Variants in PNPLA7 observed in about 807,000 individuals in gnomAD.
PNPLA7 encodes the protein patatin-like phospholipase domain-containing protein 7.
A neutral mutation model predicts 161.7 loss-of-function variants in PNPLA7; 153 were observed. That is an observed-to-expected ratio of 0.95 (90% CI 0.83 to 1.08). PNPLA7 has a LOEUF of 1.08. PNPLA7 is among the 50% of genes least tolerant of loss of function. The pLI is 0.00. For synonymous variants in PNPLA7, 809 were observed against 782.1 expected (o/e 1.03, Z -0.57); for missense variants, 1,739 against 1,856.6 (o/e 0.94, Z 1.16).
intron 22 of PNPLA7, chr9:137,480,722 C>T (rs534054157): frequency 4.6e-4 from 331 of 718,698 alleles, no homozygotes; most frequent in Admixed American, 9.7e-4. Context: ...GAGTGAGACC[C>T]GGGGCTGCCC....
rs1836316112 is a variant in PNPLA7 at position 137,543,368 on chromosome 9, C to A, written c.506+64G>T. ...ACAAGACGGCCAAGCTGGAGCCAGG[C>A]CCCAGCGAGAAGCCCGGGGCTATGG... is the stretch of plus-strand genomic sequence containing the variant. On this transcript the variant is annotated intron_variant, in intron 6 of 34. Transcript: ENST00000406427. This position sits in a 1 kb window ranked among gnomAD's most constrained non-coding sequence, Gnocchi z 6.9. The A allele has an allele frequency of 1.2e-6, 2 of 1,603,198 alleles. No homozygotes were observed. Among genetic ancestry groups the A allele is most frequent in the South Asian group, 1.1e-5 (1 of 90,300 alleles).
intron 4 of PNPLA7, among the ~76,000 whole-genome samples, chr9:137,545,788 C>T (rs1588721255): frequency 6.6e-6 from 1 of 150,738 alleles, no homozygotes; most frequent in East Asian, 1.9e-4. Context: ...TTCTGTTATG[C>T]CCGGACAGGG....
intron 18 of PNPLA7, among the ~76,000 whole-genome samples, chr9:137,496,604 C>T (rs1038417573): frequency 1.3e-5 from 2 of 151,976 alleles, no homozygotes; most frequent in Admixed American, 1.3e-4. Flanking sequence ...CCAGCTACTC[C>T]GGAGGCTGAG....
rs1588557419 is a variant in PNPLA7 at position 137,478,114 on chromosome 9, G to GT, written c.2801dup (p.Asp934GlufsTer64). 7.4e-7 allele frequency: 1 copy of GT among 1,353,998 alleles called. No homozygotes were observed. Among genetic ancestry groups the GT allele is most frequent in the East Asian group, 3.1e-5 (1 of 32,688 alleles). 83.9% of individuals were successfully genotyped at this position (1,353,998 alleles called of 1,614,324 possible). ...CCAGGCGGGAGAAGTCTGAGTGTCG[G>GT]TCCGGGGGCCGCTGGAAGACATGCT... On this transcript the variant is annotated frameshift_variant, in exon 25 of 35. Transcript: ENST00000406427. LOFTEE classifies it high-confidence loss of function.
rs781143660 is a variant in PNPLA7, at chr9:137,462,786, C to T, written c.3391G>A (p.Val1131Met). ...AGGTCCGTCTCATCTCGGCTGCCCA[C>T]GTCAATGGCGATCACCACTTTTGCC... ...MGAKVVIAIDVGSRDETDLTN... is the reference protein window; with the variant it reads ...MGAKVVIAIDMGSRDETDLTN... Residue 1131 changes from valine to methionine, a missense_variant, in exon 30 of 35, where the codon GTG becomes ATG. Val to Met is a conservative substitution (Grantham distance 21). Transcript: ENST00000406427. The T allele has an allele frequency of 9.3e-6, 15 of 1,613,900 alleles. No homozygotes were observed. Among genetic ancestry groups the T allele is most frequent in the Admixed American group, 1.7e-5 (1 of 60,020 alleles).
chr9:137,548,101 G>A (rs535762355), intron 1 of PNPLA7, among the ~76,000 whole-genome samples: 1 of 152,330 alleles, frequency 6.6e-6, no homozygotes, highest in South Asian at 2.1e-4. Context: ...AGGAGGCAGC[G>A]GCCGAGAAGG....
Position 137,461,611 on chromosome 9 carries a change from AGGTGAGGACCTAGGGGTGG to A in PNPLA7, c.3757-10_3765del. On this transcript the variant is annotated splice_acceptor_variant and splice_polypyrimidine_tract_variant and coding_sequence_variant and intron_variant, in exon 33 of 35. Coordinates refer to ENST00000406427, the MANE Select transcript of PNPLA7 (RefSeq NM_001098537.3). LOFTEE classifies it high-confidence loss of function. ...AGGTCCGTGAAGGAGGCGTTGGGAC[AGGTGAGGACCTAGGGGTGG>A]GGTGAGGACAGCACGTTGCCTGTGG... is the stretch of plus-strand genomic sequence containing the variant. 1 of 1,611,970 alleles carries A rather than the reference AGGTGAGGACCTAGGGGTGG, an allele frequency of 6.2e-7. No individual in the cohort carries two copies. The highest frequency in any genetic ancestry group is 8.5e-7 in the Non-Finnish European group (1 of 1,179,220).
At position 137,499,123 on chromosome 9, in the gene PNPLA7, C is replaced by T. The variant is rs973603166; in HGVS notation, c.1758-878G>A. 6.6e-6 allele frequency among the ~76,000 whole-genome samples: 1 copy of T among 151,940 alleles called. No homozygotes were observed. Among genetic ancestry groups the T allele is most frequent in the African/African-American group, 2.4e-5 (1 of 41,352 alleles). On this transcript the variant is annotated intron_variant, in intron 16 of 34. Transcript: ENST00000406427. This position sits in a 1 kb window ranked among gnomAD's most constrained non-coding sequence, Gnocchi z 5.5. ...CCATGCACGGACACACAGGCAGACA[C>T]ACAGACACACACAGACACACGGAGA...
chr9:137,537,592 G>A lies in PNPLA7; in HGVS notation c.747+3050C>T, dbSNP rs1268992834. On this transcript the variant is annotated intron_variant, in intron 8 of 34. Coordinates refer to ENST00000406427, the MANE Select transcript of PNPLA7 (RefSeq NM_001098537.3). This position sits in a 1 kb window ranked among gnomAD's most constrained non-coding sequence, Gnocchi z 4.5. ...GGCCTCCCAAAGTGCTGGGATTACA[G>A]GCGTGAGCCACCGTGCTCAGCCAAT... Among the ~76,000 whole-genome samples the A allele has an allele frequency of 6.6e-6, 1 of 152,206 alleles. No individual in the cohort carries two copies. The highest frequency in any genetic ancestry group is 1.5e-5 in the Non-Finnish European group (1 of 68,046).
In PNPLA7 at chr9:137,523,756, A is replaced by G. The variant is rs1219590305; in HGVS notation, c.748-899T>C. On this transcript the variant is annotated intron_variant, in intron 8 of 34. Transcript: ENST00000406427. This position sits in a 1 kb window ranked among gnomAD's most constrained non-coding sequence, Gnocchi z 4.4. ...ATTCTCCTGCCTCAGCCTCCACAGT[A>G]GCTGGGGCTACAAGCGCCCGCCACC... 6.6e-6 allele frequency among the ~76,000 whole-genome samples: 1 copy of G among 151,938 alleles called. No homozygotes were observed. Among genetic ancestry groups the G allele is most frequent in the African/African-American group, 2.4e-5 (1 of 41,354 alleles).
At chr9:137,501,522 G>A in intron 15 of PNPLA7, 128 bp downstream of exon 15, 2 of 883,568 alleles carry the variant, frequency 2.3e-6, no homozygotes, top group Non-Finnish European at 3.5e-6. Context: ...GTGCCCAGAG[G>A]GGCAGTGGCC....
At chr9:137,542,293 A>G (rs2132629572) in intron 7 of PNPLA7, among the ~76,000 whole-genome samples, 1 of 151,836 alleles carries the variant, frequency 6.6e-6, no homozygotes, top group East Asian at 1.9e-4. Context: ...ACAAACTGAG[A>G]CTCCATCTCT....
intron 25 of PNPLA7, 53 bp downstream of exon 25, chr9:137,477,981 C>T (rs907805433): frequency 1.0e-5 from 13 of 1,258,242 alleles, no homozygotes; most frequent in Middle Eastern, 4.3e-4. Context: ...CCCGAGGGGG[C>T]GACTGTCACC....
At chr9:137,481,193 C>A (rs1444530237) in intron 21 of PNPLA7, among the ~76,000 whole-genome samples, 170 bp from the exon 22 acceptor site, 3 of 152,182 alleles carry the variant, frequency 2.0e-5, no homozygotes, top group Non-Finnish European at 4.4e-5. Context: ...AAGGTCTGCT[C>A]CCCTTGAGCA....
At chr9:137,465,573 T>C (rs550987559) in intron 26 of PNPLA7, among the ~76,000 whole-genome samples, 2 of 152,334 alleles carry the variant, frequency 1.3e-5, no homozygotes, top group East Asian at 3.9e-4. Flanking sequence ...AAGCCCTCTT[T>C]TGAGCAGCCA....
At chr9:137,484,539 C>T in intron 21 of PNPLA7, 48 bp downstream of exon 21, 1 of 1,521,252 alleles carries the variant, frequency 6.6e-7, no homozygotes. Context: ...CGCCCTCCAC[C>T]AGGCCCAGAA....
At chr9:137,528,643 A>C (rs1243384111) in intron 8 of PNPLA7, among the ~76,000 whole-genome samples, 1 of 150,588 alleles carries the variant, frequency 6.6e-6, no homozygotes, top group Non-Finnish European at 1.5e-5. Flanking sequence ...ACTTTGTCTG[A>C]TACTAATATA....
At chr9:137,545,882 C>T (rs1323013270) in intron 4 of PNPLA7, among the ~76,000 whole-genome samples, 1 of 152,118 alleles carries the variant, frequency 6.6e-6, no homozygotes, top group Non-Finnish European at 1.5e-5. Context: ...CTAGCGGTAG[C>T]GTCAGTGTCA....
rs568239068 is a variant in PNPLA7, at chr9:137,468,528, C to T, written c.2883-1055G>A. On this transcript the variant is annotated intron_variant, in intron 25 of 34. Transcript: ENST00000406427. The surrounding 1 kb of genome is among the most constrained non-coding windows in gnomAD (Gnocchi z 4.0). ...AAGGAGGGAGCTCGGATGCAAGCCACAGCTGGGGGGGACCCTGGAGGCATT... is the reference window on the plus strand; with the variant it reads ...AAGGAGGGAGCTCGGATGCAAGCCATAGCTGGGGGGGACCCTGGAGGCATT... Among the ~76,000 whole-genome samples the T allele has an allele frequency of 2.2e-4, 33 of 152,310 alleles. No homozygotes were observed. In the South Asian group the frequency reaches 6.8e-3, roughly 32 times the overall value.
Sources: allele counts gnomAD v4.1 joint callset (sites outside exome capture counted in the v4.1 genomes callset), GRCh38; gene constraint gnomAD v4.1.1; non-coding constraint Gnocchi (gnomAD v3.1); transcripts MANE v1.5; gene names NCBI Gene and HGNC (gene_info 2026-07-23, HGNC 2026-07-21).